The following ZC3HC1 variants were observed in gnomAD, a reference collection of about 807,000 sequenced individuals.
The protein encoded by ZC3HC1 is zinc finger C3HC-type protein 1.
ZC3HC1 carries 38 observed loss-of-function variants against 61.9 expected under a neutral mutation model. The observed-to-expected ratio is 0.61, with a 90% CI of 0.47 to 0.81. The LOEUF (loss-of-function observed/expected upper bound fraction) is 0.81, where lower values mean the gene tolerates loss of function less well. ZC3HC1 is among the 30% of genes least tolerant of loss of function. The pLI is 0.00. For missense variants in ZC3HC1, 554 were observed against 622.7 expected, an observed-to-expected ratio of 0.89 and a Z score of 1.17; for synonymous variants, 213 against 229.9, an observed-to-expected ratio of 0.93 and a Z score of 0.67.
Position 130,049,047 on chromosome 7 carries a change from C to T in ZC3HC1, c.244G>A (p.Val82Met). Residue 82 changes from valine (V) to methionine (M), a missense_variant, in exon 2 of 10, where the codon GTG becomes ATG. Coordinates refer to ENST00000358303, the MANE Select transcript of ZC3HC1 (RefSeq NM_016478.5). The part of the protein sequence containing the change: ...STSKEAFFSR[V>M]ETFSSLKWAG... ...AAAAAGGATATAGAAAATGTTTCCACTCTGCTAAAGAAGGCTTCTTTGCTT... is the reference window on the plus strand; with the variant it reads ...AAAAAGGATATAGAAAATGTTTCCATTCTGCTAAAGAAGGCTTCTTTGCTT... 2 of 1,599,512 alleles carry T rather than the reference C, an allele frequency of 1.3e-6. No individual in the cohort carries two copies. Among genetic ancestry groups the T allele is most frequent in the Non-Finnish European group, 1.7e-6 (2 of 1,174,114 alleles).
intron 1 of ZC3HC1, among the ~76,000 whole-genome samples, 172 bp downstream of exon 1, chr7:130,051,049 G>A (rs561510774): frequency 6.6e-6 from 1 of 152,288 alleles, no homozygotes; most frequent in East Asian, 1.9e-4. Flanking sequence ...TACACCCCGA[G>A]GGGAAGATCA....
rs781655555 is a variant in ZC3HC1, at chr7:130,023,559, G to A, written c.1185C>T (p.Ser395=). 6.2e-7 allele frequency: 1 copy of A among 1,614,192 alleles called. No homozygotes were observed. Among genetic ancestry groups the A allele is most frequent in the South Asian group, 1.1e-5 (1 of 91,080 alleles). Reference sequence around the variant, plus strand: ...GAGCTCGCTTGGCTTTCCGCAGAGGGCTAGATGGTACCTCCAGGCCAGGGG... The same window carrying A: ...GAGCTCGCTTGGCTTTCCGCAGAGGACTAGATGGTACCTCCAGGCCAGGGG... The part of the protein sequence containing the change: ...GDTPGLEVPS[S]PLRKAKRARL... Residue 395 remains serine (S), a synonymous_variant, in exon 8 of 10, where the codon AGC becomes AGT. Transcript: ENST00000358303. This position sits in a 1 kb window ranked among gnomAD's most constrained non-coding sequence, Gnocchi z 4.2.
chr7:130,031,095 C>T (rs2116704581), intron 4 of ZC3HC1, among the ~76,000 whole-genome samples: 1 of 151,810 alleles, frequency 6.6e-6, no homozygotes, highest in South Asian at 2.1e-4. Context: ...TTTGGGAGGC[C>T]AAGGTGGGTG....
chr7:130,031,324 CAA>C lies in ZC3HC1; in HGVS notation c.494-2297_494-2296del, dbSNP rs71956602. Among the ~76,000 whole-genome samples the C allele has an allele frequency of 8.5e-3, 947 of 111,240 alleles. 7 individuals are homozygous for C. Among genetic ancestry groups the C allele is most frequent in the African/African-American group, 0.032 (859 of 27,066 alleles). The allele number at this position is 111,240 out of a possible 152,430, so 73.0% of individuals were successfully genotyped here. ...TGGGCAACAGAGCAAAACTCCATCT[CAA>C]AAAAAAAAAAAAAAAACAGAAAACC... On this transcript the variant is annotated intron_variant, in intron 4 of 9. Coordinates refer to ENST00000358303, the MANE Select transcript of ZC3HC1 (RefSeq NM_016478.5).
intron 2 of ZC3HC1, chr7:130,045,335 T>C: frequency 3.6e-6 from 1 of 280,830 alleles, no homozygotes; most frequent in Admixed American, 4.0e-5. Flanking sequence ...CTTTCTGTCC[T>C]TGCACACAGG....
chr7:130,023,526 G>C lies in ZC3HC1; in HGVS notation c.1218C>G (p.Cys406Trp). The change falls in exon 8 of 10, where the codon TGC becomes TGG. Residue 406 changes from cysteine (C) to tryptophan (W), a missense_variant. Cys to Trp is a radical substitution (Grantham distance 215, BLOSUM62 -2). Coordinates refer to ENST00000358303, the MANE Select transcript of ZC3HC1 (RefSeq NM_016478.5). This position sits in a 1 kb window ranked among gnomAD's most constrained non-coding sequence, Gnocchi z 4.2. ...PLRKAKRARL[C>W]SSSSSDTSSR... ...GTGGACTCACCGAACTGCTGGAGGA[G>C]CAGAGGCGAGCTCGCTTGGCTTTCC... is the stretch of plus-strand genomic sequence containing the variant. The C allele has an allele frequency of 6.2e-7, 1 of 1,614,176 alleles. No individual in the cohort carries two copies. Among genetic ancestry groups the C allele is most frequent in the Non-Finnish European group, 8.5e-7 (1 of 1,180,040 alleles).
chr7:130,033,562 C>T (rs547799238), intron 4 of ZC3HC1, among the ~76,000 whole-genome samples: 93 of 149,912 alleles, frequency 6.2e-4, no homozygotes, highest in African/African-American at 2.2e-3. Flanking sequence ...AAGCAATTCT[C>T]CTGCCTTAGC....
intron 4 of ZC3HC1, chr7:130,039,257 T>C (rs1438262909): frequency 4.0e-5 from 22 of 548,258 alleles, no homozygotes; most frequent in East Asian, 6.1e-5. Context: ...GGCAGGAGAA[T>C]TGCTTGAACG....
At chr7:130,049,573 C>G (rs1794993036) in intron 1 of ZC3HC1, among the ~76,000 whole-genome samples, 1 of 150,006 alleles carries the variant, frequency 6.7e-6, no homozygotes, top group Admixed American at 6.7e-5. Flanking sequence ...GAGATGGAGT[C>G]TCGCTCTGTT....
chr7:130,051,158 A>C (rs888351676), intron 1 of ZC3HC1, 63 bp downstream of exon 1: 1 of 1,532,560 alleles, frequency 6.5e-7, no homozygotes, highest in Non-Finnish European at 8.7e-7. Flanking sequence ...CCAACCCGCC[A>C]CCCCTTCCCC....
At chr7:130,040,836 A>G in intron 3 of ZC3HC1, 115 bp downstream of exon 3, 1 of 1,102,094 alleles carries the variant, frequency 9.1e-7, no homozygotes, top group African/African-American at 1.6e-5. Context: ...TTAAAAAAAA[A>G]GATTGAAGTA....
At chr7:130,045,563 T>C in intron 2 of ZC3HC1, 1 of 457,246 alleles carries the variant, frequency 2.2e-6, no homozygotes, top group Admixed American at 2.4e-5. Context: ...TTACTAATTA[T>C]GATGACTTGT....
At chr7:130,035,863 G>C (rs1018062254) in intron 4 of ZC3HC1, among the ~76,000 whole-genome samples, 1 of 152,162 alleles carries the variant, frequency 6.6e-6, no homozygotes. Context: ...GTCACCCACA[G>C]ATTAAGATTT....
At position 130,024,411 on chromosome 7, in the gene ZC3HC1, A is replaced by T. The variant is rs1356813415; in HGVS notation, c.872T>A (p.Met291Lys). The change falls in exon 7 of 10, where the codon ATG (methionine) becomes AAG (lysine). Residue 291 changes from methionine to lysine, a missense_variant. Met to Lys is a moderately conservative substitution (Grantham distance 95). Transcript: ENST00000358303. The part of the protein sequence containing the change: ...LWGFQQIESS[M>K]TDLDASFGLT... ...GCCAAAGGATGCATCCAGGTCAGTC[A>T]TGGACGATTCAATCTGCTGGAAGCC... 1.2e-6 allele frequency: 2 copies of T among 1,614,146 alleles called. No individual in the cohort carries two copies. The highest frequency in any genetic ancestry group is 1.7e-6 in the Non-Finnish European group (2 of 1,180,032).
chr7:130,032,996 G>A (rs1162328048), intron 4 of ZC3HC1, among the ~76,000 whole-genome samples: 1 of 152,006 alleles, frequency 6.6e-6, no homozygotes, highest in African/African-American at 2.4e-5. Flanking sequence ...AGCTACTCTG[G>A]ATACTGAGGC....
intron 4 of ZC3HC1, among the ~76,000 whole-genome samples, chr7:130,038,455 A>T (rs150578507): frequency 6.6e-6 from 1 of 152,288 alleles, no homozygotes; most frequent in East Asian, 1.9e-4. Context: ...AGAACATGGC[A>T]TTGCTTGGTG....
intron 4 of ZC3HC1, among the ~76,000 whole-genome samples, chr7:130,038,265 C>T (rs1473097903): frequency 2.6e-5 from 4 of 152,140 alleles, no homozygotes; most frequent in Admixed American, 1.3e-4. Context: ...AGACAGGCAG[C>T]CTGTGGCTGT....
At chr7:130,042,758 C>T (rs1484377808) in intron 2 of ZC3HC1, among the ~76,000 whole-genome samples, 5 of 152,334 alleles carry the variant, frequency 3.3e-5, no homozygotes, top group East Asian at 1.9e-4. Context: ...GCTCAGCTCA[C>T]TGCAACCTCT....
chr7:130,023,788 C>A lies in ZC3HC1; in HGVS notation c.1021-65G>T. On this transcript the variant is annotated intron_variant, in intron 7 of 9. Transcript: ENST00000358303. This position sits in a 1 kb window ranked among gnomAD's most constrained non-coding sequence, Gnocchi z 4.2. ...TTAATGATTATGGTCAGAAATACTTCTTTCTTTAATCTTTTTTCTTTTTTT... is the reference window on the plus strand; with the variant it reads ...TTAATGATTATGGTCAGAAATACTTATTTCTTTAATCTTTTTTCTTTTTTT... 1.5e-6 allele frequency: 2 copies of A among 1,316,310 alleles called. No homozygotes were observed. The highest frequency in any genetic ancestry group is 1.1e-6 in the Non-Finnish European group (1 of 950,318). The allele number at this position is 1,316,310 out of a possible 1,614,324, so 81.5% of individuals were successfully genotyped here. A position where few individuals can be genotyped will look rare whatever the true frequency, so the allele number is the denominator to read the frequency against.
Sources: gnomAD v4.1 joint callset for allele counts (sites outside exome capture counted in the v4.1 genomes callset) on GRCh38, gnomAD v4.1.1 for gene constraint, Gnocchi (gnomAD v3.1) non-coding constraint, MANE v1.5 for transcripts, NCBI Gene and HGNC (gene_info 2026-07-23, HGNC 2026-07-21) for gene names.